The following SEMA6D variants were observed in gnomAD, a reference collection of about 807,000 sequenced individuals.
SEMA6D encodes the protein semaphorin 6D.
SEMA6D carries 35 observed loss-of-function variants against 106.6 expected under a neutral mutation model. The ratio of observed to expected loss-of-function variants is 0.33; its 90% CI spans 0.25 to 0.44. The LOEUF (loss-of-function observed/expected upper bound fraction) is 0.44, where lower values mean the gene tolerates loss of function less well. SEMA6D is among the 20% of genes least tolerant of loss of function. SEMA6D has a pLI of 1.00. For missense variants in SEMA6D, 1,185 were observed against 1,345.9 expected, an observed-to-expected ratio of 0.88 and a Z score of 1.87; for synonymous variants, 499 against 487.7, an observed-to-expected ratio of 1.02 and a Z score of -0.31.
At chr15:47,583,265 C>T (rs1222728385) in intron 3 of SEMA6D, among the ~76,000 whole-genome samples, 1 of 152,176 alleles carries the variant, frequency 6.6e-6, no homozygotes, top group African/African-American at 2.4e-5. Context: ...TTGGAATCTG[C>T]ACTTTTTCAA....
intron 3 of SEMA6D, among the ~76,000 whole-genome samples, chr15:47,523,124 T>C (rs1367898935): frequency 6.6e-6 from 1 of 152,186 alleles, no homozygotes; most frequent in African/African-American, 2.4e-5. Context: ...CTTCATTGGC[T>C]GAATCCAACT....
At chr15:47,377,340 A>T (rs559843360) in intron 1 of SEMA6D, among the ~76,000 whole-genome samples, 1 of 152,168 alleles carries the variant, frequency 6.6e-6, no homozygotes, top group East Asian at 1.9e-4. Flanking sequence ...CACATGGGGA[A>T]ATTCAGTAAT....
At chr15:47,205,598 C>T (rs940247016) in intron 1 of SEMA6D, among the ~76,000 whole-genome samples, 2 of 151,992 alleles carry the variant, frequency 1.3e-5, no homozygotes, top group African/African-American at 4.8e-5. Context: ...TAGGGAGGTT[C>T]TGGTAAAAAA....
At chr15:47,332,387 C>T (rs1395838770) in intron 1 of SEMA6D, among the ~76,000 whole-genome samples, 2 of 152,098 alleles carry the variant, frequency 1.3e-5, no homozygotes, top group Admixed American at 6.6e-5. Flanking sequence ...ACAGTGAGTC[C>T]GTGAAAGAAA....
chr15:47,724,713 G>T (rs573258475), intron 1 of SEMA6D, among the ~76,000 whole-genome samples: 1 of 152,286 alleles, frequency 6.6e-6, no homozygotes, highest in South Asian at 2.1e-4. Flanking sequence ...TGTAATTCAG[G>T]TGTGAAGAGG....
At chr15:47,465,765 T>C (rs981409711) in intron 2 of SEMA6D, among the ~76,000 whole-genome samples, 1 of 152,170 alleles carries the variant, frequency 6.6e-6, no homozygotes, top group African/African-American at 2.4e-5. Flanking sequence ...CCAGCCATGC[T>C]TCCTGTATAG....
At chr15:47,444,076 G>T (rs560108575) in intron 2 of SEMA6D, among the ~76,000 whole-genome samples, 1 of 152,244 alleles carries the variant, frequency 6.6e-6, no homozygotes, top group South Asian at 2.1e-4. Context: ...GACTGAGTAG[G>T]CCATTGTCTC....
intron 1 of SEMA6D, among the ~76,000 whole-genome samples, chr15:47,240,397 A>G (rs957990030): frequency 6.6e-6 from 1 of 152,206 alleles, no homozygotes; most frequent in Non-Finnish European, 1.5e-5. Flanking sequence ...TAATGGAGCT[A>G]TGATGAAGAT....
chr15:47,274,533 G>A (rs755798676), intron 1 of SEMA6D, among the ~76,000 whole-genome samples: 3 of 152,066 alleles, frequency 2.0e-5, no homozygotes, highest in Non-Finnish European at 4.4e-5. Context: ...TAGAGAAATC[G>A]AAATAAAAGC....
rs575020013 is a variant in SEMA6D at position 47,352,122 on chromosome 15, A to G, written c.-238-60271A>G. Among the ~76,000 whole-genome samples the G allele has an allele frequency of 2.6e-5, 4 of 152,340 alleles. No individual in the cohort carries two copies. In the South Asian group the frequency reaches 8.3e-4, roughly 32 times the overall value. On this transcript the variant is annotated intron_variant, in intron 1 of 19. Coordinates refer to the SEMA6D transcript ENST00000558014. ...CTGAAAGTAAAGAAATTGTGTTTGA[A>G]TAAAAGAAAAATTAATATTAGTGAA...
chr15:47,591,484 T>C (rs190958072), intron 3 of SEMA6D, among the ~76,000 whole-genome samples: 2 of 152,264 alleles, frequency 1.3e-5, no homozygotes, highest in African/African-American at 4.8e-5. Flanking sequence ...CCTTGCAGCC[T>C]TTCCACATAG....
Position 47,697,383 on chromosome 15 carries a change from C to G in SEMA6D, c.-54-62362C>G, listed in dbSNP as rs78896179. Among the ~76,000 whole-genome samples, 1,479 of 152,232 alleles carry G rather than the reference C, an allele frequency of 9.7e-3. 25 individuals carry two copies. Among genetic ancestry groups the G allele is most frequent in the African/African-American group, 0.034 (1,430 of 41,530 alleles). On this transcript the variant is annotated intron_variant, in intron 4 of 19. Transcript: ENST00000558014. Reference sequence around the variant, plus strand: ...CCTGCCTTGATTTCCTCTCTGAACTCCCACAAGAACTTCTCAGGACACTGG... The same window carrying G: ...CCTGCCTTGATTTCCTCTCTGAACTGCCACAAGAACTTCTCAGGACACTGG...
intron 2 of SEMA6D, among the ~76,000 whole-genome samples, chr15:47,463,221 C>A (rs916517701): frequency 2.6e-5 from 4 of 152,124 alleles, no homozygotes; most frequent in Admixed American, 1.3e-4. Flanking sequence ...CTGCATGAAG[C>A]TTGTAATTTT....
At chr15:47,752,663 G>A (rs938411865) in intron 1 of SEMA6D, among the ~76,000 whole-genome samples, 6 of 150,558 alleles carry the variant, frequency 4.0e-5, no homozygotes, top group Admixed American at 2.0e-4. Context: ...TATAATCAAC[G>A]TCTTTTTATT....
chr15:47,393,179 C>T (rs995990550), intron 1 of SEMA6D: 1 of 152,164 alleles, frequency 6.6e-6, no homozygotes, highest in African/African-American at 2.4e-5. Context: ...AACATAATCA[C>T]AATCTTATCC....
At chr15:47,522,544 A>G (rs2044620211) in intron 3 of SEMA6D, among the ~76,000 whole-genome samples, 1 of 152,230 alleles carries the variant, frequency 6.6e-6, no homozygotes, top group African/African-American at 2.4e-5. Context: ...CAGGTAAGTA[A>G]GCATCCTTTC....
chr15:47,747,029 A>G (rs2081184443), intron 1 of SEMA6D, among the ~76,000 whole-genome samples: 1 of 135,574 alleles, frequency 7.4e-6, no homozygotes, highest in Non-Finnish European at 1.7e-5. Flanking sequence ...TTCCTTGTGC[A>G]TTATACTTTC....
At position 47,773,342 on chromosome 15, in the gene SEMA6D, G is replaced by C. The variant is rs2082711785; in HGVS notation, c.*1557G>C. 6.6e-6 allele frequency: 1 copy of C among 152,560 alleles called. No individual in the cohort carries two copies. The highest frequency in any genetic ancestry group is 6.5e-5 in the Admixed American group (1 of 15,272). 9.5% of individuals were successfully genotyped at this position (152,560 alleles called of 1,614,324 possible). ...AATGTGAACTCAAATGAGGTTTCCT[G>C]GGTAATGTGACACCTGCAGAAACTA... On this transcript the variant is annotated 3_prime_UTR_variant, in exon 19 of 19. Coordinates refer to ENST00000536845, the MANE Select transcript of SEMA6D (RefSeq NM_001358351.3).
chr15:47,318,996 A>C (rs1169829514), intron 1 of SEMA6D, among the ~76,000 whole-genome samples: 1 of 152,110 alleles, frequency 6.6e-6, no homozygotes, highest in Non-Finnish European at 1.5e-5. Context: ...TGTGTCCCAC[A>C]GTTCTTTGAT....
Sources: allele counts gnomAD v4.1 joint callset (sites outside exome capture counted in the v4.1 genomes callset), GRCh38; gene constraint gnomAD v4.1.1; transcripts MANE v1.5; gene names NCBI Gene and HGNC (gene_info 2026-07-23, HGNC 2026-07-21).